ZNF853: variants seen among roughly 807,000 people sequenced by gnomAD.
ZNF853 encodes the protein zinc finger protein 853.
A neutral mutation model predicts 94.7 loss-of-function variants in ZNF853; 57 were observed. The observed-to-expected ratio is 0.60, with a 90% CI of 0.49 to 0.75. The LOEUF (loss-of-function observed/expected upper bound fraction) is 0.75, where lower values mean the gene tolerates loss of function less well. ZNF853 is among the 30% of genes least tolerant of loss of function. ZNF853 has a pLI of 0.00. For synonymous variants in ZNF853, 448 were observed against 406.3 expected, an observed-to-expected ratio of 1.10 and a Z score of -1.23; for missense variants, 785 against 868.9, an observed-to-expected ratio of 0.90 and a Z score of 1.21.
In ZNF853 at chr7:6,622,094, T is replaced by G; in HGVS notation, c.1103T>G (p.Leu368Arg). 1 of 1,543,294 alleles carries G rather than the reference T, an allele frequency of 6.5e-7. No individual in the cohort carries two copies. The highest frequency in any genetic ancestry group is 8.7e-7 in the Non-Finnish European group (1 of 1,145,474). ...QLKLQEELQQ[L>R]EQQLEQQQQQ... ...AAACTGCAGGAGGAGCTGCAGCAGCTGGAGCAACAGCTGGAGCAGCAGCAG... is the reference window on the plus strand; with the variant it reads ...AAACTGCAGGAGGAGCTGCAGCAGCGGGAGCAACAGCTGGAGCAGCAGCAG... The change falls in exon 3 of 3, where the codon CTG (leucine) becomes CGG (arginine). Residue 368 changes from leucine (L) to arginine (R), a missense_variant. Transcript: ENST00000457543.
rs1011271465 is a variant in ZNF853, at chr7:6,624,117, C to T, written c.*1146C>T. The T allele has an allele frequency of 6.6e-6, 1 of 152,222 alleles. No homozygotes were observed. Among genetic ancestry groups the T allele is most frequent in the Admixed American group, 6.5e-5 (1 of 15,268 alleles). 9.4% of individuals were successfully genotyped at this position (152,222 alleles called of 1,614,324 possible). On this transcript the variant is annotated 3_prime_UTR_variant, in exon 3 of 3. Transcript: ENST00000457543. ...GGTGGGGCAGGGAGGAGGCTGCCCGCCACCTCTGCCCCCAGTCACTTCCTG... is the reference window on the plus strand; with the variant it reads ...GGTGGGGCAGGGAGGAGGCTGCCCGTCACCTCTGCCCCCAGTCACTTCCTG...
chr7:6,616,511 A>G, intron 1 of ZNF853, among the ~76,000 whole-genome samples: 15 of 152,184 alleles, frequency 9.9e-5, no homozygotes, highest in Admixed American at 9.8e-4. Flanking sequence ...AGGCCGAGGC[A>G]GGAGGATCGC....
At chr7:6,621,088 T>A in intron 2 of ZNF853, 34 bp from the exon 3 acceptor site, 1 of 1,461,204 alleles carries the variant, frequency 6.8e-7, no homozygotes, top group South Asian at 1.5e-5. Context: ...CCTGTAGATC[T>A]TTCTCTCTTG....
rs749584153 is a variant in ZNF853 at position 6,622,078 on chromosome 7, G to A, written c.1087G>A (p.Glu363Lys). ...EQRQLQLKLQ[E>K]ELQQLEQQLE... ...GCGGCAGCTGCAGCTCAAACTGCAG[G>A]AGGAGCTGCAGCAGCTGGAGCAACA... The change falls in exon 3 of 3, where the codon GAG (glutamate) becomes AAG (lysine). Residue 363 changes from glutamate to lysine, a missense_variant. Transcript: ENST00000457543. 10 of 1,546,434 alleles carry A rather than the reference G, an allele frequency of 6.5e-6. No individual in the cohort carries two copies. The Middle Eastern group carries it at 6.6e-4, about 103-fold the overall frequency.
chr7:6,617,075 C>G, intron 1 of ZNF853, 115 bp from the exon 2 acceptor site: 1 of 717,792 alleles, frequency 1.4e-6, no homozygotes, highest in South Asian at 1.9e-5. Context: ...AGGTATGGAG[C>G]TGACCGCTCT....
rs1197072229 is a variant in ZNF853 at position 6,622,040 on chromosome 7, G to A, written c.1049G>A (p.Arg350Gln). ...QELERQQELE[R>Q]QQEQRQLQLK... Reference sequence around the variant, plus strand: ...TTGGAGCGGCAGCAGGAGCTGGAACGGCAGCAGGAGCAGCGGCAGCTGCAG... The same window carrying A: ...TTGGAGCGGCAGCAGGAGCTGGAACAGCAGCAGGAGCAGCGGCAGCTGCAG... Residue 350 changes from arginine (R) to glutamine (Q), a missense_variant, in exon 3 of 3, where the codon CGG (arginine) becomes CAG (glutamine). By Grantham distance (43) the Arg-to-Gln change is conservative. Coordinates refer to ENST00000457543, the MANE Select transcript of ZNF853 (RefSeq NM_017560.3). 4.5e-6 allele frequency: 7 copies of A among 1,547,756 alleles called. No homozygotes were observed. The highest frequency in any genetic ancestry group is 2.0e-5 in the Admixed American group (1 of 50,932).
Position 6,622,092 on chromosome 7 carries a change from G to A in ZNF853, c.1101G>A (p.Gln367=), listed in dbSNP as rs1782631030. ...LQLKLQEELQ[Q]LEQQLEQQQQ... ...TCAAACTGCAGGAGGAGCTGCAGCA[G>A]CTGGAGCAACAGCTGGAGCAGCAGC... The change falls in exon 3 of 3, where the codon CAG becomes CAA. Residue 367 remains glutamine (Q), a synonymous_variant. Coordinates refer to ENST00000457543, the MANE Select transcript of ZNF853 (RefSeq NM_017560.3). The A allele has an allele frequency of 6.5e-7, 1 of 1,546,640 alleles. No individual in the cohort carries two copies. Among genetic ancestry groups the A allele is most frequent in the Middle Eastern group, 2.2e-4 (1 of 4,518 alleles).
rs1341825042 is a variant in ZNF853, at chr7:6,621,562, C to T, written c.571C>T (p.Gln191Ter). ...QAQEQQVLQQ[Q>*]EQLQQQVQEQ... is the part of the protein sequence containing the mutation. ...ACAAGAGCAACAGGTATTGCAGCAG[C>T]AGGAACAGCTACAGCAGCAAGTGCA... The change falls in exon 3 of 3, where the codon CAG becomes TAG. Residue 191 changes from glutamine (Q) to a stop codon, truncating the protein, a stop_gained. Transcript: ENST00000457543. LOFTEE classifies it high-confidence loss of function. The T allele has an allele frequency of 1.3e-6, 2 of 1,551,660 alleles. No individual in the cohort carries two copies. The highest frequency in any genetic ancestry group is 1.7e-6 in the Non-Finnish European group (2 of 1,146,954).
chr7:6,623,645 T>G lies in ZNF853; in HGVS notation c.*674T>G. 3.5e-6 allele frequency: 1 copy of G among 286,380 alleles called. No individual in the cohort carries two copies. Among genetic ancestry groups the G allele is most frequent in the Non-Finnish European group, 6.4e-6 (1 of 155,550 alleles). 17.7% of individuals were successfully genotyped at this position (286,380 alleles called of 1,614,324 possible). ...TCCGGGTGGAAGGTAAAACCTTCCC[T>G]CCAGGGAACCAGGGGCTCCGGCGGG... is the stretch of plus-strand genomic sequence containing the variant. On this transcript the variant is annotated 3_prime_UTR_variant, in exon 3 of 3. Coordinates refer to ENST00000457543, the MANE Select transcript of ZNF853 (RefSeq NM_017560.3).
At chr7:6,620,565 T>TCCTTCCTTCCCTTCCTTC in intron 2 of ZNF853, among the ~76,000 whole-genome samples, 85 of 150,322 alleles carry the variant, frequency 5.7e-4, no homozygotes, top group East Asian at 2.0e-3. Context: ...CCACCTACCT[T>TCCTTCCTTCCCTTCCTTC]CCTTCCTTCC....
chr7:6,619,407 G>C, intron 2 of ZNF853, among the ~76,000 whole-genome samples: 1 of 152,082 alleles, frequency 6.6e-6, no homozygotes, highest in Non-Finnish European at 1.5e-5. Context: ...GAGTAGATGG[G>C]ACTACAGGCG....
chr7:6,620,570 C>CCTTCCCTTCCTTCCCTTCCTTCCCTTT, intron 2 of ZNF853, among the ~76,000 whole-genome samples: 4 of 151,550 alleles, frequency 2.6e-5, no homozygotes, highest in African/African-American at 9.7e-5. Context: ...TACCTTCCTT[C>CCTTCCCTTCCTTCCCTTCCTTCCCTTT]CTTCCCTTCC....
chr7:6,620,005 C>A, intron 2 of ZNF853, among the ~76,000 whole-genome samples: 9 of 152,290 alleles, frequency 5.9e-5, no homozygotes, highest in African/African-American at 2.2e-4. Flanking sequence ...CCAATCCTAA[C>A]CTTCAGAGAG....
chr7:6,620,074 A>G, intron 2 of ZNF853, among the ~76,000 whole-genome samples: 1 of 152,092 alleles, frequency 6.6e-6, no homozygotes, highest in Non-Finnish European at 1.5e-5. Flanking sequence ...TCCTTGTTGT[A>G]CTGTTTAAGC....
intron 2 of ZNF853, chr7:6,617,654 C>T: frequency 1.0e-6 from 1 of 985,426 alleles, no homozygotes; most frequent in Non-Finnish European, 1.2e-6. Flanking sequence ...TTTCCCGGAT[C>T]CGATTCAGGT....
chr7:6,618,326 C>T, intron 2 of ZNF853, among the ~76,000 whole-genome samples: 1 of 151,750 alleles, frequency 6.6e-6, no homozygotes, highest in Non-Finnish European at 1.5e-5. Flanking sequence ...AAAGAAGACC[C>T]TTCTGACTTG....
At chr7:6,620,864 TCGGC>T in intron 2 of ZNF853, among the ~76,000 whole-genome samples, 1 of 152,212 alleles carries the variant, frequency 6.6e-6, no homozygotes. Context: ...TCTGCCCACC[TCGGC>T]CTCTCAAAGT....
In ZNF853 at chr7:6,621,523, C is replaced by T; in HGVS notation, c.532C>T (p.Gln178Ter). 1 of 1,551,690 alleles carries T rather than the reference C, an allele frequency of 6.4e-7. No homozygotes were observed. Among genetic ancestry groups the T allele is most frequent in the Non-Finnish European group, 8.7e-7 (1 of 1,146,962 alleles). ...GTTGCAGCAGCAGCAGGAGCAGTTA[C>T]AGACGCAGCAAGCACAAGAGCAACA... is the stretch of plus-strand genomic sequence containing the variant. Reference protein sequence around the residue: ...QRLQQQQEQLQTQQAQEQQVL... With the variant: ...QRLQQQQEQL The change falls in exon 3 of 3, where the codon CAG becomes TAG. Residue 178 changes from glutamine to a stop codon, truncating the protein, a stop_gained. Transcript: ENST00000457543. LOFTEE classifies it high-confidence loss of function.
In ZNF853 at chr7:6,623,491, C is replaced by A; in HGVS notation, c.*520C>A. 2 of 397,190 alleles carry A rather than the reference C, an allele frequency of 5.0e-6. No individual in the cohort carries two copies. Among genetic ancestry groups the A allele is most frequent in the Non-Finnish European group, 8.9e-6 (2 of 225,694 alleles). 24.6% of individuals were successfully genotyped at this position (397,190 alleles called of 1,614,324 possible). On this transcript the variant is annotated 3_prime_UTR_variant, in exon 3 of 3. Coordinates refer to ENST00000457543, the MANE Select transcript of ZNF853 (RefSeq NM_017560.3). ...TCGAATCGTCCTCAGAGGCATTTGC[C>A]TTGAAAATACTTTCCAAGATGAAAA...
Sources: allele counts gnomAD v4.1 joint callset (sites outside exome capture counted in the v4.1 genomes callset), GRCh38; gene constraint gnomAD v4.1.1; transcripts MANE v1.5; gene names NCBI Gene and HGNC (gene_info 2026-07-23, HGNC 2026-07-21).